MDFIC2: variants seen among roughly 807,000 people sequenced by gnomAD.
MDFIC2 encodes MyoD family inhibitor domain containing 2, also known as myoD family inhibitor domain-containing protein 2.
At chr3:70,275,796 G>A (rs918723061) in intron 2 of MDFIC2, among the ~76,000 whole-genome samples, 1 of 152,124 alleles carries the variant, frequency 6.6e-6, no homozygotes, top group Non-Finnish European at 1.5e-5. Flanking sequence ...TGCTATATGA[G>A]GACCTGGTAA....
intron 2 of MDFIC2, among the ~76,000 whole-genome samples, chr3:70,239,114 G>A (rs1247516923): frequency 6.6e-6 from 1 of 152,164 alleles, no homozygotes; most frequent in Non-Finnish European, 1.5e-5. Context: ...TGTGGTTTCT[G>A]CTGAACTGGT....
intron 2 of MDFIC2, chr3:70,291,261 G>C (rs918131001): frequency 1.3e-5 from 2 of 151,978 alleles, no homozygotes; most frequent in African/African-American, 4.8e-5. Flanking sequence ...ACATTATCTA[G>C]GACTCTATTT....
chr3:70,253,962 T>C (rs1701791620), intron 2 of MDFIC2, among the ~76,000 whole-genome samples: 1 of 152,184 alleles, frequency 6.6e-6, no homozygotes, highest in South Asian at 2.1e-4. Flanking sequence ...GTATGCTCTG[T>C]GGCATAATAT....
At chr3:70,280,563 G>T (rs906569048) in intron 2 of MDFIC2, among the ~76,000 whole-genome samples, 3 of 152,102 alleles carry the variant, frequency 2.0e-5, no homozygotes, top group African/African-American at 7.2e-5. Context: ...TTGGGACTCA[G>T]AAAACGATAT....
chr3:70,287,319 G>A (rs941067130), intron 2 of MDFIC2, among the ~76,000 whole-genome samples: 12 of 145,630 alleles, frequency 8.2e-5, no homozygotes, highest in Admixed American at 8.2e-4. Context: ...AGATAATCAT[G>A]TGGTTTTTGT....
chr3:70,310,439 C>T (rs991252136), intron 2 of MDFIC2, among the ~76,000 whole-genome samples: 3 of 148,966 alleles, frequency 2.0e-5, no homozygotes, highest in East Asian at 2.0e-4. Flanking sequence ...GATCTCGGCT[C>T]ACTGCAACCT....
At chr3:70,294,820 T>G (rs1575618645) in intron 2 of MDFIC2, among the ~76,000 whole-genome samples, 1 of 152,172 alleles carries the variant, frequency 6.6e-6, no homozygotes, top group Middle Eastern at 3.4e-3. Context: ...TATAAGATGG[T>G]TTCCCAAGTT....
intron 2 of MDFIC2, among the ~76,000 whole-genome samples, chr3:70,223,155 G>A (rs879363028): frequency 2.0e-5 from 3 of 152,098 alleles, no homozygotes; most frequent in Non-Finnish European, 2.9e-5. Context: ...TACTCTTTAC[G>A]TCTATTTGTA....
intron 2 of MDFIC2, among the ~76,000 whole-genome samples, chr3:70,243,594 T>C (rs1180980335): frequency 6.6e-6 from 1 of 152,186 alleles, no homozygotes; most frequent in Non-Finnish European, 1.5e-5. Context: ...TTCTTTGTCG[T>C]GGGGGTGCTG....
intron 3 of MDFIC2, among the ~76,000 whole-genome samples, chr3:70,202,253 G>T (rs1259711880): frequency 1.3e-5 from 2 of 152,112 alleles, no homozygotes; most frequent in Non-Finnish European, 2.9e-5. Flanking sequence ...TGGCCTATTT[G>T]ATAGTGGTCA....
intron 2 of MDFIC2, among the ~76,000 whole-genome samples, chr3:70,277,426 T>C (rs1702038528): frequency 6.6e-6 from 1 of 152,222 alleles, no homozygotes; most frequent in Admixed American, 6.5e-5. Context: ...CACTGTTTGC[T>C]TACAAGGTAT....
intron 2 of MDFIC2, among the ~76,000 whole-genome samples, chr3:70,275,778 A>G (rs902323451): frequency 6.6e-6 from 1 of 152,218 alleles, no homozygotes; most frequent in South Asian, 2.1e-4. Flanking sequence ...TTTATAGCAT[A>G]TAATAAGTGC....
At chr3:70,266,750 C>A (rs999848970) in intron 2 of MDFIC2, among the ~76,000 whole-genome samples, 8 of 152,114 alleles carry the variant, frequency 5.3e-5, no homozygotes, top group African/African-American at 1.9e-4. Flanking sequence ...CTGGCTTATA[C>A]TTTTCTTTTA....
At chr3:70,249,405 T>C (rs961182736) in intron 2 of MDFIC2, among the ~76,000 whole-genome samples, 4 of 152,158 alleles carry the variant, frequency 2.6e-5, no homozygotes, top group African/African-American at 9.6e-5. Context: ...GAATGCAATT[T>C]AGGAGACAAC....
intron 2 of MDFIC2, among the ~76,000 whole-genome samples, chr3:70,246,709 AT>A (rs761203846): frequency 1.4e-4 from 21 of 152,092 alleles, no homozygotes; most frequent in Non-Finnish European, 2.8e-4. Context: ...GGCACTCTAT[AT>A]TTAATCTGGC....
chr3:70,266,029 A>G (rs1314899129), intron 2 of MDFIC2, among the ~76,000 whole-genome samples: 1 of 151,998 alleles, frequency 6.6e-6, no homozygotes, highest in Non-Finnish European at 1.5e-5. Flanking sequence ...TCATATCACC[A>G]AAAAAGTTTG....
chr3:70,224,832 C>CA (rs1444625215), intron 2 of MDFIC2, among the ~76,000 whole-genome samples: 1 of 151,920 alleles, frequency 6.6e-6, no homozygotes, highest in Non-Finnish European at 1.5e-5. Context: ...TTTCCCCCCC[C>CA]ACACCTCACC....
intron 2 of MDFIC2, among the ~76,000 whole-genome samples, chr3:70,217,837 G>T (rs1197770443): frequency 6.6e-6 from 1 of 152,092 alleles, no homozygotes; most frequent in Non-Finnish European, 1.5e-5. Flanking sequence ...AGGGCTTGGG[G>T]GTGACATACT....
chr3:70,201,563 G>C (rs1460304169), intron 3 of MDFIC2, among the ~76,000 whole-genome samples: 12 of 152,130 alleles, frequency 7.9e-5, no homozygotes, highest in Admixed American at 7.9e-4. Context: ...TATGATCCCT[G>C]TTTATGGATG....
Sources: allele counts gnomAD v4.1 joint callset (sites outside exome capture counted in the v4.1 genomes callset), GRCh38; gene constraint gnomAD v4.1.1; transcripts MANE v1.5; gene names NCBI Gene and HGNC (gene_info 2026-07-23, HGNC 2026-07-21).